TOP1MT: variants seen among roughly 807,000 people sequenced by gnomAD.
TOP1MT encodes DNA topoisomerase I mitochondrial.
In TOP1MT, 80 loss-of-function variants were observed where a neutral mutation model predicts 73.9. That is an observed-to-expected ratio of 1.08 (90% CI 0.90 to 1.30). TOP1MT has a LOEUF of 1.30. Among genes scored for constraint, TOP1MT ranks in the 50% most tolerant of loss-of-function variants. The pLI is 0.00. For synonymous variants in TOP1MT, 338 were observed against 326.4 expected (o/e 1.04, Z -0.38); for missense variants, 815 against 808.0 (o/e 1.01, Z -0.10).
At position 143,342,643 on chromosome 8, in the gene TOP1MT, A is replaced by G. The variant is rs1228979143; in HGVS notation, c.29+577T>C. ...TTATTATTAGAGACAGTCTCGCTCT[A>G]TTATTATTATTATTATTAGAGACAG... On this transcript the variant is annotated intron_variant, in intron 2 of 5. Transcript: ENST00000518007. 3.7e-4 allele frequency among the ~76,000 whole-genome samples: 7 copies of G among 19,122 alleles called. 1 individual carries two copies. In the East Asian group the frequency reaches 3.7e-3, roughly 10 times the overall value. The allele number at this position is 19,122 out of a possible 152,430, so 12.5% of individuals were successfully genotyped here. A position where few individuals can be genotyped will look rare whatever the true frequency, so the allele number is the denominator to read the frequency against.
upstream of TOP1MT, among the ~76,000 whole-genome samples, chr8:143,357,947 G>A (rs1056669694): frequency 6.6e-6 from 1 of 151,886 alleles, no homozygotes; most frequent in Admixed American, 6.6e-5. Flanking sequence ...AATTAGCTGG[G>A]CATGGTAGCA....
In TOP1MT at chr8:143,353,963, C is replaced by CAAAAAAAAA. The variant is rs1186472770; in HGVS notation, c.-39+1993_-39+2001dup. On this transcript the variant is annotated intron_variant, in intron 1 of 5. Transcript: ENST00000518760. ...TGGGCGACAAAGAGAGACTCCATCC[C>CAAAAAAAAA]AAAAAAAAAAAAAAAAAAAAAAAAA... is the stretch of plus-strand genomic sequence containing the variant. Among the ~76,000 whole-genome samples the CAAAAAAAAA allele has an allele frequency of 4.0e-4, 19 of 47,624 alleles. 2 individuals are homozygous for CAAAAAAAAA. Among genetic ancestry groups the CAAAAAAAAA allele is most frequent in the African/African-American group, 2.0e-3 (19 of 9,378 alleles). 31.2% of individuals were successfully genotyped at this position (47,624 alleles called of 152,430 possible). A position where few individuals can be genotyped will look rare whatever the true frequency, so the allele number is the denominator to read the frequency against.
chr8:143,318,451 C>T (rs539516413), intron 8 of TOP1MT, among the ~76,000 whole-genome samples: 1 of 152,356 alleles, frequency 6.6e-6, no homozygotes, highest in African/African-American at 2.4e-5. Flanking sequence ...CATCACAGGA[C>T]CTCAGGGCCT....
chr8:143,346,884 C>G (rs890457528), upstream of TOP1MT, among the ~76,000 whole-genome samples: 3 of 152,160 alleles, frequency 2.0e-5, no homozygotes, highest in Non-Finnish European at 4.4e-5. Flanking sequence ...GGTAAGAAAT[C>G]TACTCTCAAG....
At chr8:143,356,070 A>G (rs562828559), upstream of TOP1MT, 6 of 152,250 alleles carry the variant, frequency 3.9e-5, no homozygotes, top group Non-Finnish European at 8.8e-5. Flanking sequence ...TACGTTGAGG[A>G]CATTTCCATG....
intron 5 of TOP1MT, 38 bp from the exon 6 acceptor site, chr8:143,324,667 C>T: frequency 6.3e-7 from 1 of 1,599,362 alleles, no homozygotes. Context: ...ACTTGGAGAC[C>T]TTATTCTCTG....
upstream of TOP1MT, among the ~76,000 whole-genome samples, chr8:143,358,885 T>G (rs1303173261): frequency 6.6e-6 from 1 of 152,216 alleles, no homozygotes; most frequent in African/African-American, 2.4e-5. Flanking sequence ...ACCCCATTAC[T>G]ACGCAACCAG....
upstream of TOP1MT, among the ~76,000 whole-genome samples, chr8:143,338,276 T>A (rs988201111): frequency 7.3e-5 from 11 of 150,424 alleles, no homozygotes; most frequent in East Asian, 3.9e-4. Context: ...TAAAAAAAAA[T>A]TTTTTTTTTG....
At chr8:143,329,557 C>CACGAAAGCGTAG in intron 2 of TOP1MT, 86 bp from the exon 3 acceptor site, 2 of 1,496,100 alleles carry the variant, frequency 1.3e-6, no homozygotes, top group Non-Finnish European at 1.8e-6. Flanking sequence ...TTAAACTACG[C>CACGAAAGCGTAG]TTTCGTGCGT....
At chr8:143,357,004 G>A (rs1817420917), upstream of TOP1MT, among the ~76,000 whole-genome samples, 1 of 147,240 alleles carries the variant, frequency 6.8e-6, no homozygotes, top group Non-Finnish European at 1.5e-5. Flanking sequence ...TGAGGCAGGA[G>A]AATGGTATGA....
At chr8:143,309,982 C>T in intron 13 of TOP1MT, 86 bp downstream of exon 13, 1 of 1,597,234 alleles carries the variant, frequency 6.3e-7, no homozygotes, top group South Asian at 1.1e-5. Context: ...GGGACAAGGG[C>T]AATGCTGGGA....
At chr8:143,342,082 TTATTA>T (rs1817100713) in intron 2 of TOP1MT, among the ~76,000 whole-genome samples, 3 of 134,084 alleles carry the variant, frequency 2.2e-5, no homozygotes, top group African/African-American at 4.0e-5. Flanking sequence ...TCTGTTATTA[TTATTA>T]TTAGAGTCTC....
chr8:143,359,512 G>A (rs1817466870), upstream of TOP1MT: 1 of 844,112 alleles, frequency 1.2e-6, no homozygotes, highest in Non-Finnish European at 1.4e-6. Flanking sequence ...CAAGCAGAAA[G>A]TCAGGAGCCA....
Position 143,318,104 on chromosome 8 carries a change from A to G in TOP1MT, c.1147-18T>C, listed in dbSNP as rs1264248029. 5 of 1,613,142 alleles carry G rather than the reference A, an allele frequency of 3.1e-6. No individual in the cohort carries two copies. On this transcript the variant is annotated intron_variant, in intron 8 of 13. Transcript: ENST00000329245. The stretch of plus-strand genomic sequence containing the variant: ...TTGTACACCTGAAGGAGAAAGAAGG[A>G]ATTTCAGAGGACAGAAAAAACCCGA...
chr8:143,312,878 G>A (rs2129861909), intron 12 of TOP1MT, among the ~76,000 whole-genome samples: 1 of 152,318 alleles, frequency 6.6e-6, no homozygotes, highest in Middle Eastern at 3.4e-3. Flanking sequence ...CTTAAAGCCA[G>A]GAGTTCAAGA....
At chr8:143,318,450 A>T (rs1816237562) in intron 8 of TOP1MT, among the ~76,000 whole-genome samples, 1 of 152,140 alleles carries the variant, frequency 6.6e-6, no homozygotes, top group Non-Finnish European at 1.5e-5. Flanking sequence ...ACATCACAGG[A>T]CCTCAGGGCC....
At chr8:143,355,145 G>A (rs1007740774) in intron 1 of TOP1MT, among the ~76,000 whole-genome samples, 10 of 152,186 alleles carry the variant, frequency 6.6e-5, no homozygotes, top group African/African-American at 1.7e-4. Flanking sequence ...AGACACAACC[G>A]GGGATGACCC....
chr8:143,332,413 G>A (rs1816882289), intron 1 of TOP1MT: 2 of 1,123,120 alleles, frequency 1.8e-6, no homozygotes, highest in Non-Finnish European at 1.2e-6. Flanking sequence ...CAGGATGGGG[G>A]AGAGTGAGAT....
At chr8:143,342,118 G>T (rs934945408) in intron 2 of TOP1MT, among the ~76,000 whole-genome samples, 10 of 128,926 alleles carry the variant, frequency 7.8e-5, no homozygotes, top group Non-Finnish European at 1.2e-4. Flanking sequence ...TATTATTAGA[G>T]ACACAGTCTC....
Sources: allele counts gnomAD v4.1 joint callset (sites outside exome capture counted in the v4.1 genomes callset), GRCh38; gene constraint gnomAD v4.1.1; transcripts MANE v1.5; gene names NCBI Gene and HGNC (gene_info 2026-07-23, HGNC 2026-07-21).